Variants in ABLIM1 observed in about 807,000 individuals in gnomAD.
ABLIM1 encodes the protein actin binding LIM protein 1.
Under a neutral mutation model 107.0 loss-of-function variants are expected in ABLIM1, and 40 were observed. The observed-to-expected ratio is 0.37, with a 90% CI of 0.29 to 0.49. ABLIM1 has a LOEUF of 0.49. Ranked by LOEUF, ABLIM1 falls within the 20% of genes least tolerant of loss-of-function variation. The pLI, the probability that ABLIM1 is intolerant of heterozygous loss-of-function variation, is 0.97. For synonymous variants in ABLIM1, 357 were observed against 357.3 expected (o/e 1.00, Z 0.01); for missense variants, 857 against 1,008.5 (o/e 0.85, Z 2.04).
chr10:114,709,746 G>A (rs1003835089), intron 1 of ABLIM1, among the ~76,000 whole-genome samples: 4 of 147,262 alleles, frequency 2.7e-5, no homozygotes, highest in East Asian at 1.9e-4. Flanking sequence ...ATACAGGTAC[G>A]TCAGAACATG....
intron 10 of ABLIM1, among the ~76,000 whole-genome samples, chr10:114,468,540 T>C (rs183529080): frequency 4.4e-4 from 67 of 152,148 alleles, no homozygotes; most frequent in Middle Eastern, 3.4e-3. Context: ...TCCCAAAGTT[T>C]TGGGATTACA....
At chr10:114,560,881 G>T (rs1017433501) in intron 4 of ABLIM1, among the ~76,000 whole-genome samples, 1 of 152,210 alleles carries the variant, frequency 6.6e-6, no homozygotes, top group African/African-American at 2.4e-5. Flanking sequence ...GGGAAAAAGT[G>T]GGGGAAGGGG....
At chr10:114,711,498 C>A (rs1053525514) in intron 1 of ABLIM1, among the ~76,000 whole-genome samples, 12 of 152,196 alleles carry the variant, frequency 7.9e-5, no homozygotes, top group Non-Finnish European at 1.6e-4. Flanking sequence ...TGCCAGCCCC[C>A]ACGCTAAACC....
intron 1 of ABLIM1, among the ~76,000 whole-genome samples, chr10:114,651,391 A>AAGATCAGGCCGGCCC (rs2079232953): frequency 6.6e-6 from 1 of 152,160 alleles, no homozygotes; most frequent in South Asian, 2.1e-4. Flanking sequence ...GGCAAGAGGT[A>AAGATCAGGCCGGCCC]AGATCAGGCC....
At chr10:114,757,328 C>A (rs2082652236) in intron 1 of ABLIM1, among the ~76,000 whole-genome samples, 1 of 152,180 alleles carries the variant, frequency 6.6e-6, no homozygotes, top group Non-Finnish European at 1.5e-5. Context: ...ATGATGATCT[C>A]AGGCAAGTTT....
intron 2 of ABLIM1, among the ~76,000 whole-genome samples, chr10:114,577,787 A>G (rs1446875844): frequency 6.6e-6 from 1 of 152,120 alleles, no homozygotes; most frequent in Non-Finnish European, 1.5e-5. Context: ...AAACCATACC[A>G]TTATTTCTGG....
At chr10:114,686,606 T>C (rs1412633308), upstream of ABLIM1, among the ~76,000 whole-genome samples, 2 of 151,986 alleles carry the variant, frequency 1.3e-5, no homozygotes, top group African/African-American at 2.4e-5. Flanking sequence ...CCTCTTTTCC[T>C]TTCTCCCTTC....
chr10:114,567,918 C>T (rs1021987002), intron 4 of ABLIM1, among the ~76,000 whole-genome samples: 3 of 152,066 alleles, frequency 2.0e-5, no homozygotes, highest in South Asian at 2.1e-4. Context: ...CGGCCGGGCG[C>T]GGTGGCTCAC....
chr10:114,716,902 T>C (rs1042229161), intron 1 of ABLIM1, among the ~76,000 whole-genome samples: 1 of 150,874 alleles, frequency 6.6e-6, no homozygotes, highest in Non-Finnish European at 1.5e-5. Context: ...GTTAGCTCCA[T>C]TAATGAGAGC....
chr10:114,447,189 T>C (rs2061140587), intron 15 of ABLIM1, among the ~76,000 whole-genome samples: 1 of 152,134 alleles, frequency 6.6e-6, no homozygotes, highest in Non-Finnish European at 1.5e-5. Flanking sequence ...TTAGGCCGAG[T>C]AGGTTCACTA....
At chr10:114,524,010 T>G (rs768717934) in intron 6 of ABLIM1, among the ~76,000 whole-genome samples, 5 of 152,202 alleles carry the variant, frequency 3.3e-5, no homozygotes, top group Non-Finnish European at 5.9e-5. Context: ...ATGCAAGATT[T>G]GCTTTGCAAT....
chr10:114,654,330 A>T (rs2079391099), intron 1 of ABLIM1, among the ~76,000 whole-genome samples: 1 of 152,250 alleles, frequency 6.6e-6, no homozygotes, highest in South Asian at 2.1e-4. Flanking sequence ...TTCAGCCTCC[A>T]TAGAGACTGT....
chr10:114,487,922 A>T (rs1468107933), intron 8 of ABLIM1, 36 bp downstream of exon 8: 1 of 1,611,300 alleles, frequency 6.2e-7, no homozygotes, highest in African/African-American at 1.3e-5. Flanking sequence ...ATGGCCTACA[A>T]ATGCAGCTGG....
chr10:114,444,154 A>C lies in ABLIM1; in HGVS notation c.1828-20T>G. The C allele has an allele frequency of 1.3e-6, 1 of 741,008 alleles. No individual in the cohort carries two copies. Among genetic ancestry groups the C allele is most frequent in the Non-Finnish European group, 1.8e-6 (1 of 565,860 alleles). The allele number at this position is 741,008 out of a possible 1,614,324, so 45.9% of individuals were successfully genotyped here. ...GTTAAGCTATTCACAGAAAAAAGGAAAAAAAAAAAAAAAAGAAAGCAAAGC... is the reference window on the plus strand; with the variant it reads ...GTTAAGCTATTCACAGAAAAAAGGACAAAAAAAAAAAAAAGAAAGCAAAGC... On this transcript the variant is annotated intron_variant, in intron 16 of 22. Transcript: ENST00000533213.
At chr10:114,466,448 A>C (rs2065181139) in intron 11 of ABLIM1, among the ~76,000 whole-genome samples, 1 of 118,070 alleles carries the variant, frequency 8.5e-6, no homozygotes, top group Admixed American at 8.7e-5. Context: ...TACCTACCAG[A>C]TCTGCATAAC....
chr10:114,779,323 A>G, the ABLIM1 span: 3 of 152,226 alleles, frequency 2.0e-5, no homozygotes, highest in Non-Finnish European at 2.9e-5. Flanking sequence ...AGGTTAAGTA[A>G]GTGGCAAGCT....
intron 21 of ABLIM1, 65 bp from the exon 22 acceptor site, chr10:114,437,989 C>T: frequency 2.1e-6 from 3 of 1,454,416 alleles, no homozygotes; most frequent in Non-Finnish European, 9.6e-7. Context: ...GCAGAATCCA[C>T]CTAAACGCTA....
At chr10:114,630,314 G>A (rs1432593686) in intron 1 of ABLIM1, among the ~76,000 whole-genome samples, 2 of 152,120 alleles carry the variant, frequency 1.3e-5, no homozygotes, top group Non-Finnish European at 2.9e-5. Flanking sequence ...ATAGTTGGGT[G>A]GGAGCTACAA....
At chr10:114,603,953 CAAAAAAA>C (rs56037072) in intron 1 of ABLIM1, among the ~76,000 whole-genome samples, 1 of 131,366 alleles carries the variant, frequency 7.6e-6, no homozygotes. Context: ...GACTTTGTCT[CAAAAAAA>C]AAAAAAAAAA....
Sources: gnomAD v4.1 joint callset for allele counts (sites outside exome capture counted in the v4.1 genomes callset) on GRCh38, gnomAD v4.1.1 for gene constraint, MANE v1.5 for transcripts, NCBI Gene and HGNC (gene_info 2026-07-23, HGNC 2026-07-21) for gene names.